Variants in EYS observed in about 807,000 individuals in gnomAD.
EYS encodes protein eyes shut homolog.
In EYS, 250 loss-of-function variants were observed where a neutral mutation model predicts 282.1. That is an observed-to-expected ratio of 0.89 (90% CI 0.80 to 0.98). The LOEUF (loss-of-function observed/expected upper bound fraction) is 0.98. Ranked by LOEUF, EYS falls within the 50% of genes least tolerant of loss-of-function variation. The pLI is 0.00. For synonymous variants in EYS, 1,355 were observed against 1,282.9 expected (o/e 1.06, Z -1.20); for missense variants, 4,016 against 3,709.0 (o/e 1.08, Z -2.15).
At chr6:64,728,179 G>A (rs1343324205) in intron 22 of EYS, among the ~76,000 whole-genome samples, 1 of 152,100 alleles carries the variant, frequency 6.6e-6, no homozygotes, top group Non-Finnish European at 1.5e-5. Context: ...GGACCCTGTG[G>A]CAGTGTCTAG....
intron 1 of EYS, among the ~76,000 whole-genome samples, chr6:65,700,934 C>G (rs1291995994): frequency 6.6e-6 from 1 of 152,192 alleles, no homozygotes; most frequent in African/African-American, 2.4e-5. Context: ...GGGGACCAAT[C>G]TATGTCACAT....
intron 29 of EYS, among the ~76,000 whole-genome samples, chr6:64,366,404 A>T (rs1296517352): frequency 6.6e-6 from 1 of 152,036 alleles, no homozygotes; most frequent in Non-Finnish European, 1.5e-5. Context: ...AAAGAGAGAG[A>T]GATAGAGATC....
At chr6:65,474,255 C>T (rs1265374911) in intron 5 of EYS, among the ~76,000 whole-genome samples, 3 of 151,962 alleles carry the variant, frequency 2.0e-5, no homozygotes, top group Admixed American at 6.6e-5. Flanking sequence ...AATAATGACC[C>T]CCATGGGGAA....
chr6:64,783,349 T>C (rs1047827935), intron 22 of EYS, among the ~76,000 whole-genome samples: 4 of 151,068 alleles, frequency 2.6e-5, no homozygotes, highest in African/African-American at 9.7e-5. Context: ...ATATCCTATA[T>C]ACATATATAC....
intron 33 of EYS, among the ~76,000 whole-genome samples, chr6:64,066,043 C>T (rs1016096767): frequency 6.6e-6 from 1 of 152,066 alleles, no homozygotes; most frequent in African/African-American, 2.4e-5. Flanking sequence ...GAGGATGAAT[C>T]ATGAGGTCAG....
chr6:63,854,293 T>C (rs1435739875), intron 36 of EYS, among the ~76,000 whole-genome samples: 5 of 152,178 alleles, frequency 3.3e-5, no homozygotes, highest in African/African-American at 1.2e-4. Context: ...AATGAGTTCA[T>C]GTCCTTTGTA....
At position 65,694,295 on chromosome 6, in the gene EYS, A is replaced by G. The variant is rs1287973246; in HGVS notation, c.-448+12840T>C. The stretch of plus-strand genomic sequence containing the variant: ...AAAATAAAAAAATATATATATATGT[A>G]TAATAAAACATATGCACTCTGTGTA... On this transcript the variant is annotated intron_variant, in intron 1 of 42. Coordinates refer to ENST00000503581, the MANE Select transcript of EYS (RefSeq NM_001142800.2). 1.3e-5 allele frequency among the ~76,000 whole-genome samples: 2 copies of G among 149,880 alleles called. 1 individual carries two copies. Among genetic ancestry groups the G allele is most frequent in the East Asian group, 4.5e-4 (2 of 4,410 alleles).
At chr6:65,271,538 A>T (rs1378813672) in intron 12 of EYS, among the ~76,000 whole-genome samples, 2 of 151,968 alleles carry the variant, frequency 1.3e-5, no homozygotes, top group Non-Finnish European at 2.9e-5. Context: ...ATGTTTAACC[A>T]GCTATCTGGG....
At chr6:64,926,397 G>T (rs1768518176) in intron 15 of EYS, among the ~76,000 whole-genome samples, 1 of 152,116 alleles carries the variant, frequency 6.6e-6, no homozygotes, top group Non-Finnish European at 1.5e-5. Flanking sequence ...TTCTATTGAT[G>T]CCCAGTTCTA....
intron 12 of EYS, among the ~76,000 whole-genome samples, chr6:65,068,712 T>C (rs1234574169): frequency 6.6e-6 from 1 of 152,044 alleles, no homozygotes; most frequent in Non-Finnish European, 1.5e-5. Context: ...CTTGTAAGTA[T>C]GTAACAGATG....
At chr6:64,869,705 G>T (rs1766531893) in intron 19 of EYS, among the ~76,000 whole-genome samples, 1 of 151,582 alleles carries the variant, frequency 6.6e-6, no homozygotes, top group African/African-American at 2.4e-5. Flanking sequence ...TGATTAAAGA[G>T]ATAATGTTTT....
At chr6:63,809,105 A>G (rs951535970) in intron 36 of EYS, among the ~76,000 whole-genome samples, 2 of 152,160 alleles carry the variant, frequency 1.3e-5, no homozygotes, top group African/African-American at 4.8e-5. Context: ...TTGAACCTAT[A>G]AAAAGGTAGG....
chr6:64,848,139 C>T (rs957314801), intron 19 of EYS, among the ~76,000 whole-genome samples: 2 of 151,972 alleles, frequency 1.3e-5, no homozygotes, highest in African/African-American at 4.8e-5. Context: ...TGAACACATG[C>T]TGATCTCTTT....
Position 64,570,166 on chromosome 6 carries a change from C to T in EYS, c.5644+20057G>A, listed in dbSNP as rs188104738. 2.1e-4 allele frequency among the ~76,000 whole-genome samples: 32 copies of T among 152,286 alleles called. No individual in the cohort carries two copies. The East Asian group carries it at 6.2e-3, about 29-fold the overall frequency. On this transcript the variant is annotated intron_variant, in intron 26 of 42. Coordinates refer to ENST00000503581, the MANE Select transcript of EYS (RefSeq NM_001142800.2). ...ACATTCTTAAAGAAAATAATTTCAA[C>T]CCAGAATTTCATATCCAGCCAAACT...
chr6:65,638,469 C>G (rs1462029201), intron 2 of EYS, among the ~76,000 whole-genome samples: 3 of 152,190 alleles, frequency 2.0e-5, no homozygotes, highest in African/African-American at 7.2e-5. Context: ...TTGGGGACGC[C>G]AGACCTAGGG....
chr6:65,519,316 T>G (rs1456215986), intron 2 of EYS, among the ~76,000 whole-genome samples: 1 of 151,628 alleles, frequency 6.6e-6, no homozygotes, highest in Non-Finnish European at 1.5e-5. Flanking sequence ...GTGGCGGTGG[T>G]GGTGGCAAAT....
At chr6:64,410,447 C>G (rs564037584) in intron 28 of EYS, among the ~76,000 whole-genome samples, 11 of 152,128 alleles carry the variant, frequency 7.2e-5, no homozygotes, top group Non-Finnish European at 1.5e-4. Context: ...CTTTTACTTC[C>G]ACTGAAGCAA....
chr6:65,015,763 A>G (rs1031798311), intron 13 of EYS, among the ~76,000 whole-genome samples: 4 of 150,090 alleles, frequency 2.7e-5, no homozygotes, highest in African/African-American at 9.8e-5. Flanking sequence ...CACCGGGTGC[A>G]GTGGCTCACA....
At chr6:65,269,300 A>G (rs1582083781) in intron 12 of EYS, among the ~76,000 whole-genome samples, 1 of 152,206 alleles carries the variant, frequency 6.6e-6, no homozygotes, top group East Asian at 1.9e-4. Context: ...CTTGGAGTTT[A>G]GGTATATGTG....
Sources: allele counts gnomAD v4.1 joint callset (sites outside exome capture counted in the v4.1 genomes callset), GRCh38; gene constraint gnomAD v4.1.1; transcripts MANE v1.5; gene names NCBI Gene and HGNC (gene_info 2026-07-23, HGNC 2026-07-21).